Variants in CLCN2 observed in about 807,000 individuals in gnomAD.
The protein encoded by CLCN2 is chloride voltage-gated channel 2, also known as chloride channel protein 2.
A neutral mutation model predicts 108.3 loss-of-function variants in CLCN2; 72 were observed. That is an observed-to-expected ratio of 0.66 (90% CI 0.55 to 0.81). The LOEUF is 0.81. Ranked by LOEUF, CLCN2 falls within the 30% of genes least tolerant of loss-of-function variation. The probability of loss-of-function intolerance (pLI) is 0.00; values close to 1 mark genes in which losing one functional copy is unlikely to be tolerated. For missense variants in CLCN2, 1,048 were observed against 1,205.2 expected (o/e 0.87, Z 1.93); for synonymous variants, 471 against 467.1 (o/e 1.01, Z -0.11).
rs767564899 is a variant in CLCN2, at chr3:184,346,893, T to C, written c.2502+42A>G. 1.9e-6 allele frequency: 3 copies of C among 1,610,978 alleles called. No individual in the cohort carries two copies. The highest frequency in any genetic ancestry group is 2.2e-5 in the East Asian group (1 of 44,870). On this transcript the variant is annotated intron_variant, in intron 23 of 23. Coordinates refer to ENST00000265593, the MANE Select transcript of CLCN2 (RefSeq NM_004366.6). The surrounding 1 kb of genome is among the most constrained non-coding windows in gnomAD (Gnocchi z 6.0). Reference sequence around the variant, plus strand: ...TGAGCTGGACATAAGCCTCCATGACTTTTTGGAAGTGGAGCAGCTTTGGAG... The same window carrying C: ...TGAGCTGGACATAAGCCTCCATGACCTTTTGGAAGTGGAGCAGCTTTGGAG...
At chr3:184,350,806 A>C (rs995672376) in intron 22 of CLCN2, among the ~76,000 whole-genome samples, 3 of 152,196 alleles carry the variant, frequency 2.0e-5, no homozygotes, top group African/African-American at 7.2e-5. Context: ...TCTTATCTAT[A>C]AAAACTGGAG....
At chr3:184,353,567 T>C (rs1728298709) in intron 16 of CLCN2, 95 bp downstream of exon 16, 1 of 1,575,694 alleles carries the variant, frequency 6.3e-7, no homozygotes, top group African/African-American at 1.3e-5. Flanking sequence ...CCATTCCCTT[T>C]GGAACCAAGG....
chr3:184,354,036 G>C (rs1728337860), intron 15 of CLCN2, 65 bp downstream of exon 15: 1 of 1,531,768 alleles, frequency 6.5e-7, no homozygotes, highest in African/African-American at 1.4e-5. Flanking sequence ...AGAGGTGGCT[G>C]TAGGGGGATC....
Position 184,358,676 on chromosome 3 carries a change from C to A in CLCN2, c.352+6G>T. On this transcript the variant is annotated splice_donor_region_variant and intron_variant, in intron 3 of 23. Transcript: ENST00000265593. The stretch of plus-strand genomic sequence containing the variant: ...CAGTCCTCCCCCTGCCAGCTGTCAC[C>A]CTCACCTTGCAGACAGGCAGCAATG... 6.4e-7 allele frequency: 1 copy of A among 1,569,946 alleles called. No individual in the cohort carries two copies. The highest frequency in any genetic ancestry group is 1.4e-5 in the African/African-American group (1 of 73,988).
At position 184,346,585 on chromosome 3, in the gene CLCN2, C is replaced by G. The variant is rs1727680168; in HGVS notation, c.*21G>C. The G allele has an allele frequency of 6.2e-7, 1 of 1,613,040 alleles. No individual in the cohort carries two copies. The highest frequency in any genetic ancestry group is 1.1e-5 in the South Asian group (1 of 91,074). On this transcript the variant is annotated 3_prime_UTR_variant, in exon 24 of 24. Transcript: ENST00000265593. The surrounding 1 kb of genome is among the most constrained non-coding windows in gnomAD (Gnocchi z 6.0). ...GGCTGACGGGCATGGCTAGCACCAT[C>G]CTAGGCCACCCACGAGGGGCTCATT...
chr3:184,346,500 C>A lies in CLCN2; in HGVS notation c.*106G>T. 7.3e-7 allele frequency: 1 copy of A among 1,361,572 alleles called. No homozygotes were observed. Among genetic ancestry groups the A allele is most frequent in the Non-Finnish European group, 1.0e-6 (1 of 971,760 alleles). The allele number at this position is 1,361,572 out of a possible 1,614,324, so 84.3% of individuals were successfully genotyped here. ...GGTCTGGAGGGGGCTGGGGTGCAGC[C>A]TCCAGCTGTAGCTGCCTCCTGCCTT... On this transcript the variant is annotated 3_prime_UTR_variant, in exon 24 of 24. Coordinates refer to ENST00000265593, the MANE Select transcript of CLCN2 (RefSeq NM_004366.6). The surrounding 1 kb of genome is among the most constrained non-coding windows in gnomAD (Gnocchi z 6.0).
At chr3:184,359,699 G>C (rs1311446334) in intron 1 of CLCN2, among the ~76,000 whole-genome samples, 1 of 152,200 alleles carries the variant, frequency 6.6e-6, no homozygotes, top group Non-Finnish European at 1.5e-5. Flanking sequence ...CCACCAGCCT[G>C]CCAGCCCAGC....
At chr3:184,356,081 C>T (rs1387750170) in intron 10 of CLCN2, 3 of 422,056 alleles carry the variant, frequency 7.1e-6, no homozygotes, top group Non-Finnish European at 1.3e-5. Context: ...TTATTCCACC[C>T]TCCACCCTCA....
At chr3:184,352,180 A>G in intron 21 of CLCN2, 63 bp from the exon 22 acceptor site, 2 of 1,591,820 alleles carry the variant, frequency 1.3e-6, no homozygotes, top group Non-Finnish European at 1.7e-6. Flanking sequence ...ACCTCCCTGA[A>G]AGCTGGCCTG....
At chr3:184,359,260 C>G in intron 1 of CLCN2, 129 bp from the exon 2 acceptor site, 10 of 1,144,992 alleles carry the variant, frequency 8.7e-6, no homozygotes, top group Non-Finnish European at 1.2e-5. Flanking sequence ...CGCACAGTTC[C>G]CACTCTGGCC....
chr3:184,347,266 G>C, intron 22 of CLCN2: 4 of 567,020 alleles, frequency 7.1e-6, no homozygotes, highest in Non-Finnish European at 1.3e-5. Context: ...CGGAGAAATA[G>C]GATGGGGGAG....
intron 3 of CLCN2, 63 bp downstream of exon 3, chr3:184,358,619 C>A: frequency 6.5e-7 from 1 of 1,542,822 alleles, no homozygotes; most frequent in Non-Finnish European, 8.8e-7. Context: ...CATGTCTAGA[C>A]GAGTGTGGCA....
At chr3:184,347,308 G>A (rs975170212) in intron 22 of CLCN2, 3 of 476,060 alleles carry the variant, frequency 6.3e-6, no homozygotes, top group African/African-American at 3.9e-5. Flanking sequence ...AAAGGGGGAC[G>A]TGGGACAGAA....
At chr3:184,350,372 T>G (rs1057242285) in intron 22 of CLCN2, among the ~76,000 whole-genome samples, 4 of 152,160 alleles carry the variant, frequency 2.6e-5, no homozygotes, top group African/African-American at 9.6e-5. Context: ...CCCTGTGTAT[T>G]AATATGGTTA....
intron 22 of CLCN2, among the ~76,000 whole-genome samples, chr3:184,350,820 C>T (rs879465112): frequency 1.3e-5 from 2 of 152,158 alleles, no homozygotes; most frequent in Admixed American, 6.6e-5. Flanking sequence ...ACTGGAGGAT[C>T]GCAATATCTA....
In CLCN2 at chr3:184,354,298, T is replaced by C; in HGVS notation, c.1524A>G (p.Ala508=). 6.2e-7 allele frequency: 1 copy of C among 1,613,072 alleles called. No homozygotes were observed. The highest frequency in any genetic ancestry group is 8.5e-7 in the Non-Finnish European group (1 of 1,179,956). Residue 508 remains alanine (A), a synonymous_variant, in exon 15 of 24, where the codon GCA becomes GCG. Coordinates refer to ENST00000265593, the MANE Select transcript of CLCN2 (RefSeq NM_004366.6). ...GYAVVGAAAL[A]GAVTHTVSTA... The stretch of plus-strand genomic sequence containing the variant: ...TGGACACTGTGTGTGTCACCGCTCC[T>C]GCCAGCGCAGCTGCCCCTGGGGACA...
chr3:184,346,401 C>T lies in CLCN2; in HGVS notation c.*205G>A, dbSNP rs927191841. 1.4e-5 allele frequency: 9 copies of T among 642,556 alleles called. No homozygotes were observed. Among genetic ancestry groups the T allele is most frequent in the African/African-American group, 1.8e-5 (1 of 55,664 alleles). The allele number at this position is 642,556 out of a possible 1,614,324, so 39.8% of individuals were successfully genotyped here. ...GCCAGGGCAGGGCCTATCTTCCTGC[C>T]TCTGGAAGACTTGTTGCAGGTGGGT... On this transcript the variant is annotated 3_prime_UTR_variant, in exon 24 of 24. Coordinates refer to ENST00000265593, the MANE Select transcript of CLCN2 (RefSeq NM_004366.6). The surrounding 1 kb of genome is among the most constrained non-coding windows in gnomAD (Gnocchi z 6.0).
In CLCN2 at chr3:184,353,421, C is replaced by A. The variant is rs749476807; in HGVS notation, c.1857G>T (p.Glu619Asp). The A allele has an allele frequency of 5.6e-6, 9 of 1,606,232 alleles. No individual in the cohort carries two copies. The highest frequency in any genetic ancestry group is 7.7e-6 in the Non-Finnish European group (9 of 1,176,318). The change falls in exon 17 of 24, where the codon GAG becomes GAT. Residue 619 changes from glutamate to aspartate, a missense_variant and splice_region_variant. Glu to Asp is a conservative substitution (Grantham distance 45). Coordinates refer to ENST00000265593, the MANE Select transcript of CLCN2 (RefSeq NM_004366.6). ...GRMLALVESP[E>D]SMILLGSIER... ...CGATGGAGCCCAGCAGAATCATGGACTCTGGACAGAACAGGTGGAAGGACT... is the reference window on the plus strand; with the variant it reads ...CGATGGAGCCCAGCAGAATCATGGAATCTGGACAGAACAGGTGGAAGGACT...
chr3:184,358,764 A>G lies in CLCN2; in HGVS notation c.270T>C (p.Asp90=), dbSNP rs1560267176. ...GCCCCAGCAGGACCAGGAAGATCCAATCTTCACCAACCCTGGATACTAGGA... is the reference window on the plus strand; with the variant it reads ...GCCCCAGCAGGACCAGGAAGATCCAGTCTTCACCAACCCTGGATACTAGGA... ...HKFLVSRVGE[D]WIFLVLLGLL... is the part of the protein sequence containing the mutation. Residue 90 remains aspartate, a synonymous_variant, in exon 3 of 24, where the codon GAT becomes GAC. Coordinates refer to ENST00000265593, the MANE Select transcript of CLCN2 (RefSeq NM_004366.6). The G allele has an allele frequency of 6.2e-7, 1 of 1,610,480 alleles. No individual in the cohort carries two copies. Among genetic ancestry groups the G allele is most frequent in the Admixed American group, 1.7e-5 (1 of 59,456 alleles).
Sources: gnomAD v4.1 joint callset for allele counts (sites outside exome capture counted in the v4.1 genomes callset) on GRCh38, gnomAD v4.1.1 for gene constraint, Gnocchi (gnomAD v3.1) non-coding constraint, MANE v1.5 for transcripts, NCBI Gene and HGNC (gene_info 2026-07-23, HGNC 2026-07-21) for gene names.